DRC9: variants seen among roughly 807,000 people sequenced by gnomAD.
The protein encoded by DRC9 is dynein regulatory complex subunit 9, also known as dynein regulatory complex protein 9.
chr3:197,954,187 A>G, the DRC9 span: 1 of 1,610,032 alleles, frequency 6.2e-7, no homozygotes, highest in African/African-American at 1.3e-5. Flanking sequence ...CTGATGAATC[A>G]GACTAGGTTC....
the DRC9 span, chr3:197,950,392 G>A: frequency 8.7e-7 from 1 of 1,142,882 alleles, no homozygotes; most frequent in East Asian, 3.5e-5. Flanking sequence ...ATGGTGTTTG[G>A]TCCCCTGACA....
chr3:197,892,833 CG>C, the DRC9 span: 1 of 1,565,176 alleles, frequency 6.4e-7, no homozygotes, highest in Non-Finnish European at 8.7e-7. Context: ...TCCACTTATA[CG>C]AGTTTCAAGA....
the DRC9 span, chr3:197,913,325 T>TGTGCGTGCGTGCGTGCGTGCGTGC: frequency 1.6e-4 from 31 of 190,902 alleles, no homozygotes; most frequent in East Asian, 6.4e-4. Flanking sequence ...GCTTTGCGTG[T>TGTGCGTGCGTGCGTGCGTGCGTGC]GTGCGTGCGT....
chr3:197,938,585 T>C, the DRC9 span: 1 of 1,614,050 alleles, frequency 6.2e-7, no homozygotes, highest in Non-Finnish European at 8.5e-7. Flanking sequence ...TCCGTAGTCA[T>C]GATGGTCTGC....
the DRC9 span, chr3:197,951,075 G>A: frequency 2.5e-6 from 4 of 1,603,314 alleles, no homozygotes; most frequent in Non-Finnish European, 3.4e-6. Context: ...TGTTTGCTCT[G>A]AGTAACTTTT....
At chr3:197,924,910 GT>G in the DRC9 span, among the ~76,000 whole-genome samples, 3 of 152,302 alleles carry the variant, frequency 2.0e-5, no homozygotes, top group Non-Finnish European at 4.4e-5. Context: ...CCCCAACTTT[GT>G]TTTGCAAGTC....
the DRC9 span, chr3:197,938,653 C>T: frequency 6.2e-7 from 1 of 1,614,126 alleles, no homozygotes; most frequent in African/African-American, 1.3e-5. Flanking sequence ...AGCGAACCGG[C>T]CTCTGTGTCT....
At chr3:197,948,523 G>A in the DRC9 span, among the ~76,000 whole-genome samples, 6 of 152,292 alleles carry the variant, frequency 3.9e-5, no homozygotes, top group Non-Finnish European at 7.3e-5. Context: ...AGTATTTGTG[G>A]AACGAATAAT....
chr3:197,891,662 T>C, the DRC9 span: 11 of 483,850 alleles, frequency 2.3e-5, no homozygotes, highest in Non-Finnish European at 4.0e-5. Flanking sequence ...AATCTAAAGA[T>C]AAACCAAAGA....
At chr3:197,950,082 G>A in the DRC9 span, 2,819 of 1,208,270 alleles carry the variant, frequency 2.3e-3, 7 homozygotes, top group Middle Eastern at 4.1e-3. Context: ...ATTTCAGTGC[G>A]AAGCCGATTT....
the DRC9 span, chr3:197,959,904 A>G: frequency 2.5e-6 from 1 of 407,196 alleles, no homozygotes; most frequent in Admixed American, 4.0e-5. Flanking sequence ...ACGTCTAAAC[A>G]CCTGGCACCT....
chr3:197,906,188 G>A, the DRC9 span, among the ~76,000 whole-genome samples: 1 of 152,144 alleles, frequency 6.6e-6, no homozygotes, highest in African/African-American at 2.4e-5. Flanking sequence ...ACAGGAGGGC[G>A]TCTCACTGTC....
the DRC9 span, among the ~76,000 whole-genome samples, chr3:197,915,759 A>G: frequency 6.6e-6 from 1 of 151,600 alleles, no homozygotes; most frequent in African/African-American, 2.4e-5. Context: ...CCTTCTGAGT[A>G]GCTGGGATTA....
chr3:197,904,521 T>C, the DRC9 span, among the ~76,000 whole-genome samples: 2 of 152,228 alleles, frequency 1.3e-5, no homozygotes, highest in South Asian at 2.1e-4. Context: ...CTGTTCACAA[T>C]AGCCAAGATT....
the DRC9 span, among the ~76,000 whole-genome samples, chr3:197,903,829 GC>G: frequency 2.6e-5 from 4 of 151,618 alleles, no homozygotes; most frequent in African/African-American, 9.7e-5. Flanking sequence ...GGCCAAAAGG[GC>G]CGAGTGTAGT....
chr3:197,909,552 G>C, the DRC9 span, among the ~76,000 whole-genome samples: 1 of 152,140 alleles, frequency 6.6e-6, no homozygotes, highest in Non-Finnish European at 1.5e-5. Context: ...TGACAGAATG[G>C]TTCACTAAAT....
the DRC9 span, chr3:197,913,347 T>TGC: frequency 6.6e-4 from 148 of 224,026 alleles, no homozygotes; most frequent in African/African-American, 3.3e-3. Context: ...CGTGCGTGCG[T>TGC]GTGTGCGTGC....
the DRC9 span, among the ~76,000 whole-genome samples, chr3:197,948,269 A>G: frequency 2.0e-5 from 3 of 152,264 alleles, no homozygotes; most frequent in South Asian, 6.2e-4. Flanking sequence ...ATCATGCTCT[A>G]CTAATGGTCA....
At chr3:197,919,988 T>G in the DRC9 span, among the ~76,000 whole-genome samples, 1 of 149,484 alleles carries the variant, frequency 6.7e-6, no homozygotes, top group Non-Finnish European at 1.5e-5. Context: ...TCACTTGAGG[T>G]CAAGAGTTCG....
Sources: allele counts gnomAD v4.1 joint callset (sites outside exome capture counted in the v4.1 genomes callset), GRCh38; gene constraint gnomAD v4.1.1; transcripts MANE v1.5; gene names NCBI Gene and HGNC (gene_info 2026-07-23, HGNC 2026-07-21).